BBS9: variants seen among roughly 807,000 people sequenced by gnomAD.
BBS9 encodes the protein Bardet-Biedl syndrome 9.
In BBS9, 89 loss-of-function variants were observed where a neutral mutation model predicts 117.7. The ratio of observed to expected loss-of-function variants is 0.76; its 90% CI spans 0.64 to 0.90. The LOEUF (loss-of-function observed/expected upper bound fraction) is 0.90, where lower values mean the gene tolerates loss of function less well. Among genes scored for constraint, BBS9 ranks in the 40% least tolerant of loss-of-function variants. The probability of loss-of-function intolerance (pLI) is 0.00; values close to 1 mark genes in which losing one functional copy is unlikely to be tolerated. For synonymous variants in BBS9, 379 were observed against 370.9 expected, an observed-to-expected ratio of 1.02 and a Z score of -0.25; for missense variants, 982 against 1,042.2, an observed-to-expected ratio of 0.94 and a Z score of 0.80.
chr7:33,580,387 A>G (rs1467488038), intron 21 of BBS9, among the ~76,000 whole-genome samples: 1 of 152,010 alleles, frequency 6.6e-6, no homozygotes, highest in Non-Finnish European at 1.5e-5. Flanking sequence ...TAACATGCTT[A>G]TTTAGCATCT....
intron 20 of BBS9, among the ~76,000 whole-genome samples, chr7:33,532,349 G>A (rs1156271550): frequency 6.6e-6 from 1 of 152,216 alleles, no homozygotes; most frequent in Non-Finnish European, 1.5e-5. Flanking sequence ...TTTGAATTTA[G>A]GAGTTTGTAT....
chr7:33,489,647 A>G (rs1166667304), intron 19 of BBS9, among the ~76,000 whole-genome samples: 3 of 152,138 alleles, frequency 2.0e-5, no homozygotes, highest in African/African-American at 4.8e-5. Context: ...TTTGATCATC[A>G]AATCATAACT....
At chr7:33,577,779 A>G (rs1859178671) in intron 21 of BBS9, among the ~76,000 whole-genome samples, 2 of 152,190 alleles carry the variant, frequency 1.3e-5, no homozygotes, top group Admixed American at 6.5e-5. Context: ...GGAAACCATC[A>G]TTCTCAGCCA....
intron 21 of BBS9, among the ~76,000 whole-genome samples, chr7:33,588,501 C>CT (rs1309360741): frequency 2.6e-5 from 4 of 152,098 alleles, no homozygotes; most frequent in Non-Finnish European, 5.9e-5. Context: ...TGTTCCAAGA[C>CT]TTAGGATACT....
intron 21 of BBS9, among the ~76,000 whole-genome samples, chr7:33,600,776 C>T (rs1863676888): frequency 6.6e-6 from 1 of 152,110 alleles, no homozygotes; most frequent in African/African-American, 2.4e-5. Flanking sequence ...GCTTCTGGTG[C>T]CCAGTCCTTC....
intron 4 of BBS9, among the ~76,000 whole-genome samples, chr7:33,165,535 T>A: frequency 6.6e-6 from 1 of 152,026 alleles, no homozygotes; most frequent in East Asian, 1.9e-4. Context: ...TTTTTTTTTT[T>A]ACTCTTTTTT....
In BBS9 at chr7:33,257,419, G is replaced by A. The variant is rs1403857309; in HGVS notation, c.617+9G>A. 1 of 1,613,016 alleles carries A rather than the reference G, an allele frequency of 6.2e-7. No individual in the cohort carries two copies. Among genetic ancestry groups the A allele is most frequent in the Non-Finnish European group, 8.5e-7 (1 of 1,179,208 alleles). ...CAAGTGGAAAGTTATAAGTAAGTTTGGATGTTAAGTCTTCAGAATCATGAT... is the reference window on the plus strand; with the variant it reads ...CAAGTGGAAAGTTATAAGTAAGTTTAGATGTTAAGTCTTCAGAATCATGAT... On this transcript the variant is annotated intron_variant, in intron 6 of 22. Transcript: ENST00000242067.
chr7:33,383,103 G>A (rs1438877702), intron 17 of BBS9, among the ~76,000 whole-genome samples: 1 of 152,122 alleles, frequency 6.6e-6, no homozygotes, highest in East Asian at 1.9e-4. Flanking sequence ...TGGAGTAGTG[G>A]AGCTGAGGTC....
At chr7:33,195,665 G>T (rs1445064984) in intron 5 of BBS9, among the ~76,000 whole-genome samples, 1 of 152,034 alleles carries the variant, frequency 6.6e-6, no homozygotes, top group African/African-American at 2.4e-5. Flanking sequence ...AAATGTTTTT[G>T]TTTTAAAAAA....
chr7:33,319,870 C>A (rs960589756), intron 9 of BBS9, among the ~76,000 whole-genome samples: 2 of 152,208 alleles, frequency 1.3e-5, no homozygotes, highest in East Asian at 1.9e-4. Flanking sequence ...AAGAAAAAAA[C>A]CAAACTATCC....
At chr7:33,200,167 T>G (rs754808523) in intron 5 of BBS9, among the ~76,000 whole-genome samples, 30 of 152,148 alleles carry the variant, frequency 2.0e-4, no homozygotes, top group Admixed American at 4.6e-4. Flanking sequence ...ATTATATCAC[T>G]GTTTTCATTT....
intron 21 of BBS9, among the ~76,000 whole-genome samples, chr7:33,551,003 G>T (rs950719868): frequency 6.6e-6 from 1 of 152,110 alleles, no homozygotes; most frequent in Admixed American, 6.6e-5. Context: ...CCAGTGTCAT[G>T]TGGAAAATGT....
chr7:33,464,593 C>A (rs4574744), intron 19 of BBS9, among the ~76,000 whole-genome samples: 1 of 151,766 alleles, frequency 6.6e-6, no homozygotes, highest in African/African-American at 2.4e-5. Context: ...AATTTTTTTC[C>A]TACTGGAGTA....
At chr7:33,356,451 T>C (rs1280618463) in intron 15 of BBS9, among the ~76,000 whole-genome samples, 1 of 151,716 alleles carries the variant, frequency 6.6e-6, no homozygotes, top group South Asian at 2.1e-4. Context: ...CCCTGGGACT[T>C]TTCTTAAGAG....
intron 5 of BBS9, among the ~76,000 whole-genome samples, chr7:33,247,347 C>A (rs1176117380): frequency 6.6e-6 from 1 of 152,068 alleles, no homozygotes; most frequent in African/African-American, 2.4e-5. Flanking sequence ...GATAGAGCTC[C>A]CAGGGGTCTG....
At position 33,484,056 on chromosome 7, in the gene BBS9, G is replaced by A. The variant is rs543092797; in HGVS notation, c.2116-21407G>A. On this transcript the variant is annotated intron_variant, in intron 19 of 22. Coordinates refer to ENST00000242067, the MANE Select transcript of BBS9 (RefSeq NM_198428.3). ...TTTGGTATTAGTATTAAGGCAATGTGGAGAAAAAGTTCTGAAATGTGACTT... is the reference window on the plus strand; with the variant it reads ...TTTGGTATTAGTATTAAGGCAATGTAGAGAAAAAGTTCTGAAATGTGACTT... Among the ~76,000 whole-genome samples the A allele has an allele frequency of 5.3e-5, 8 of 152,258 alleles. No individual in the cohort carries two copies. In the South Asian group the frequency reaches 1.5e-3, roughly 28 times the overall value.
At chr7:33,430,988 A>G (rs1834357666) in intron 19 of BBS9, among the ~76,000 whole-genome samples, 1 of 151,764 alleles carries the variant, frequency 6.6e-6, no homozygotes, top group Non-Finnish European at 1.5e-5. Context: ...CAGGAGTTTC[A>G]GACTAACCTG....
chr7:33,326,991 G>A (rs966803004), intron 9 of BBS9, among the ~76,000 whole-genome samples: 1 of 152,028 alleles, frequency 6.6e-6, no homozygotes, highest in Non-Finnish European at 1.5e-5. Context: ...GCCCAATCTG[G>A]TGTCTTATTA....
At chr7:33,568,915 G>A (rs1221050268) in intron 21 of BBS9, among the ~76,000 whole-genome samples, 1 of 152,130 alleles carries the variant, frequency 6.6e-6, no homozygotes, top group Non-Finnish European at 1.5e-5. Context: ...AGAAAGAAGG[G>A]GAGAGAGATG....
Sources: gnomAD v4.1 joint callset for allele counts (sites outside exome capture counted in the v4.1 genomes callset) on GRCh38, gnomAD v4.1.1 for gene constraint, MANE v1.5 for transcripts, NCBI Gene and HGNC (gene_info 2026-07-23, HGNC 2026-07-21) for gene names.